PDS5B: variants seen among roughly 807,000 people sequenced by gnomAD.
PDS5B encodes PDS5 cohesin associated factor B.
In PDS5B, 51 loss-of-function variants were observed where a neutral mutation model predicts 184.1. That is an observed-to-expected ratio of 0.28 (90% CI 0.22 to 0.35). PDS5B has a LOEUF of 0.35. Ranked by LOEUF, PDS5B falls within the 10% of genes least tolerant of loss-of-function variation. The pLI, the probability that PDS5B is intolerant of heterozygous loss-of-function variation, is 1.00. For missense variants in PDS5B, 1,180 were observed against 1,723.3 expected, an observed-to-expected ratio of 0.68 and a Z score of 5.58; for synonymous variants, 566 against 569.2, an observed-to-expected ratio of 0.99 and a Z score of 0.08.
intron 19 of PDS5B, among the ~76,000 whole-genome samples, chr13:32,721,713 TAGAC>T (rs762381187): frequency 7.4e-6 from 1 of 135,830 alleles, no homozygotes; most frequent in Non-Finnish European, 1.6e-5. Flanking sequence ...CCTCAATTCT[TAGAC>T]AGGATGACGG....
rs116516493 is a variant in PDS5B at position 32,712,113 on chromosome 13, G to T, written c.2123+2007G>T. On this transcript the variant is annotated intron_variant, in intron 19 of 34. Coordinates refer to ENST00000315596, the MANE Select transcript of PDS5B (RefSeq NM_015032.4). ...TTCAAATTTGGCTTATTCCCTGGAG[G>T]TTTTATTATTTTCATTCTAGATTGT... 4.5e-3 allele frequency among the ~76,000 whole-genome samples: 680 copies of T among 152,218 alleles called. 8 individuals carry two copies. Among genetic ancestry groups the T allele is most frequent in the African/African-American group, 0.016 (656 of 41,546 alleles).
intron 7 of PDS5B, 143 bp downstream of exon 7, chr13:32,667,987 T>C: frequency 2.2e-6 from 1 of 451,802 alleles, no homozygotes; most frequent in Non-Finnish European, 4.0e-6. Flanking sequence ...ATATTTTCTT[T>C]CTCCTTCTTA....
intron 1 of PDS5B, among the ~76,000 whole-genome samples, chr13:32,633,443 G>A (rs1013225434): frequency 2.0e-5 from 3 of 152,130 alleles, no homozygotes; most frequent in African/African-American, 7.2e-5. Flanking sequence ...CCAGCTATCC[G>A]TGTTTGGACA....
chr13:32,755,984 A>AT, intron 26 of PDS5B, 28 bp downstream of exon 26: 1 of 1,103,618 alleles, frequency 9.1e-7, no homozygotes, highest in Non-Finnish European at 1.4e-6. Flanking sequence ...CCATTTTCAT[A>AT]TTTTCTGAAA....
At chr13:32,620,429 G>A (rs1260184635) in intron 1 of PDS5B, among the ~76,000 whole-genome samples, 2 of 151,826 alleles carry the variant, frequency 1.3e-5, no homozygotes, top group South Asian at 2.1e-4. Flanking sequence ...AGGCCGAGGC[G>A]GGCGGATCAC....
At chr13:32,645,679 TGTC>T (rs560490327) in intron 1 of PDS5B, among the ~76,000 whole-genome samples, 177 of 152,348 alleles carry the variant, frequency 1.2e-3, no homozygotes, top group Admixed American at 3.8e-3. Context: ...AAAATGTAAA[TGTC>T]TGGAGCTTTT....
At chr13:32,707,345 CTT>C (rs939198642) in intron 18 of PDS5B, among the ~76,000 whole-genome samples, 29 of 151,716 alleles carry the variant, frequency 1.9e-4, no homozygotes, top group African/African-American at 7.0e-4. Flanking sequence ...TTCTAAAACT[CTT>C]ATTTTTTTTT....
intron 24 of PDS5B, among the ~76,000 whole-genome samples, chr13:32,748,349 G>C (rs1241293749): frequency 6.6e-6 from 1 of 152,008 alleles, no homozygotes; most frequent in East Asian, 1.9e-4. Flanking sequence ...CAGTGATACT[G>C]GGCTTCATTA....
At chr13:32,714,174 A>G (rs1952295615) in intron 19 of PDS5B, among the ~76,000 whole-genome samples, 2 of 152,374 alleles carry the variant, frequency 1.3e-5, no homozygotes, top group South Asian at 4.1e-4. Context: ...AAGTGGAGGC[A>G]GGATGAGATC....
At chr13:32,715,041 A>G (rs1952331000) in intron 19 of PDS5B, among the ~76,000 whole-genome samples, 1 of 152,140 alleles carries the variant, frequency 6.6e-6, no homozygotes, top group Non-Finnish European at 1.5e-5. Context: ...TGTCCATGAA[A>G]CCTTTACAAT....
At chr13:32,604,275 T>C (rs1261046596) in intron 1 of PDS5B, among the ~76,000 whole-genome samples, 1 of 152,256 alleles carries the variant, frequency 6.6e-6, no homozygotes, top group East Asian at 1.9e-4. Context: ...ATTGAGAGTT[T>C]TTAGCATGAA....
rs949355811 is a variant in PDS5B, at chr13:32,659,290, A to G, written c.624+10A>G. 6.4e-7 allele frequency: 1 copy of G among 1,571,534 alleles called. No individual in the cohort carries two copies. Among genetic ancestry groups the G allele is most frequent in the South Asian group, 1.2e-5 (1 of 83,620 alleles). On this transcript the variant is annotated intron_variant, in intron 6 of 34. Coordinates refer to ENST00000315596, the MANE Select transcript of PDS5B (RefSeq NM_015032.4). ...GGTACCTGCTCATAAGGTGAGTAGC[A>G]ATGTATACTGTAATGTGTCTAATGC... is the stretch of plus-strand genomic sequence containing the variant.
chr13:32,672,085 G>T (rs1950952939), intron 7 of PDS5B, among the ~76,000 whole-genome samples: 1 of 152,162 alleles, frequency 6.6e-6, no homozygotes, highest in African/African-American at 2.4e-5. Flanking sequence ...CCTTGTGTTT[G>T]TGTGTGCTTT....
At chr13:32,652,931 G>C (rs1316431607) in intron 3 of PDS5B, among the ~76,000 whole-genome samples, 1 of 152,182 alleles carries the variant, frequency 6.6e-6, no homozygotes, top group Non-Finnish European at 1.5e-5. Flanking sequence ...AAAGCATGAA[G>C]TAATTAGAGT....
At position 32,665,931 on chromosome 13, in the gene PDS5B, C is replaced by T. The variant is rs1010178159; in HGVS notation, c.625-1833C>T. Reference sequence around the variant, plus strand: ...ACAGGAAGACAAATATGTTTTCACTCGTGGGGGCTAAAGAAAGGTCTCATG... The same window carrying T: ...ACAGGAAGACAAATATGTTTTCACTTGTGGGGGCTAAAGAAAGGTCTCATG... On this transcript the variant is annotated intron_variant, in intron 6 of 34. Coordinates refer to ENST00000315596, the MANE Select transcript of PDS5B (RefSeq NM_015032.4). Among the ~76,000 whole-genome samples, 6 of 151,994 alleles carry T rather than the reference C, an allele frequency of 3.9e-5. No individual in the cohort carries two copies. In the South Asian group the frequency reaches 6.2e-4, roughly 16 times the overall value.
At chr13:32,758,688 A>G in intron 28 of PDS5B, 35 bp downstream of exon 28, 1 of 1,604,316 alleles carries the variant, frequency 6.2e-7, no homozygotes, top group South Asian at 1.1e-5. Flanking sequence ...GTAAGTTGAA[A>G]TAAAATGTAT....
intron 1 of PDS5B, among the ~76,000 whole-genome samples, chr13:32,634,108 T>C (rs374930034): frequency 2.0e-5 from 3 of 152,318 alleles, no homozygotes; most frequent in African/African-American, 7.2e-5. Context: ...CCTCTTGCAG[T>C]CCCTCATAGA....
At chr13:32,658,163 T>A (rs547486671) in intron 3 of PDS5B, 76 bp from the exon 4 acceptor site, 2 of 746,182 alleles carry the variant, frequency 2.7e-6, no homozygotes, top group African/African-American at 1.8e-5. Context: ...GAGTGCTGAA[T>A]AAACTCTTGG....
rs143864769 is a variant in PDS5B at position 32,676,128 on chromosome 13, C to G, written c.962+169C>G. ...ATGACTGGCTATATTTATATTTACT[C>G]TTTTTAGTCTTTATCCTCAGTAATT... On this transcript the variant is annotated intron_variant, in intron 9 of 34. Transcript: ENST00000315596. Among the ~76,000 whole-genome samples the G allele has an allele frequency of 9.9e-3, 1,509 of 152,150 alleles. 12 individuals carry two copies. Among genetic ancestry groups the G allele is most frequent in the African/African-American group, 0.026 (1,064 of 41,508 alleles).
Sources: gnomAD v4.1 joint callset for allele counts (sites outside exome capture counted in the v4.1 genomes callset) on GRCh38, gnomAD v4.1.1 for gene constraint, MANE v1.5 for transcripts, NCBI Gene and HGNC (gene_info 2026-07-23, HGNC 2026-07-21) for gene names.